The following GTF3C1 variants were observed in gnomAD, a reference collection of about 807,000 sequenced individuals.
GTF3C1 encodes general transcription factor 3C polypeptide 1.
Under a neutral mutation model 226.7 loss-of-function variants are expected in GTF3C1, and 57 were observed. That is an observed-to-expected ratio of 0.25 (90% CI 0.20 to 0.31). The LOEUF (loss-of-function observed/expected upper bound fraction) is 0.31, where lower values mean the gene tolerates loss of function less well. Ranked by LOEUF, GTF3C1 falls within the 10% of genes least tolerant of loss-of-function variation. The probability of loss-of-function intolerance (pLI) is 1.00; values close to 1 mark genes in which losing one functional copy is unlikely to be tolerated. For missense variants in GTF3C1, 2,217 were observed against 2,776.1 expected, an observed-to-expected ratio of 0.80 and a Z score of 4.53; for synonymous variants, 1,090 against 1,084.8, an observed-to-expected ratio of 1.00 and a Z score of -0.09.
chr16:27,505,870 G>C (rs751005804), intron 10 of GTF3C1, 29 bp downstream of exon 10: 2 of 1,254,452 alleles, frequency 1.6e-6, no homozygotes, highest in South Asian at 2.4e-5. Context: ...CCTTCTTGGA[G>C]ACAGCTCCCT....
In GTF3C1 at chr16:27,503,876, T is replaced by C. The variant is rs114773098; in HGVS notation, c.1771-881A>G. On this transcript the variant is annotated intron_variant, in intron 10 of 36. Coordinates refer to ENST00000356183, the MANE Select transcript of GTF3C1 (RefSeq NM_001520.4). ...GTAGCACTTTCAGGAAATGAGAAAG[T>C]GCCCAAGGAGGTCACTCGGTGATGG... Among the ~76,000 whole-genome samples, 1,110 of 152,184 alleles carry C rather than the reference T, an allele frequency of 7.3e-3. 19 individuals are homozygous for C. The highest frequency in any genetic ancestry group is 0.025 in the African/African-American group (1,050 of 41,502).
chr16:27,473,810 G>A (rs2087912292), intron 29 of GTF3C1, among the ~76,000 whole-genome samples: 1 of 152,182 alleles, frequency 6.6e-6, no homozygotes. Context: ...CCTTATGGGG[G>A]AACACTCTCC....
chr16:27,481,222 C>A, intron 26 of GTF3C1, 31 bp from the exon 27 acceptor site: 1 of 1,577,370 alleles, frequency 6.3e-7, no homozygotes, highest in South Asian at 1.1e-5. Flanking sequence ...GAGGTTAAGC[C>A]CTTACTCTTC....
chr16:27,529,108 C>T (rs758755276), intron 5 of GTF3C1, among the ~76,000 whole-genome samples: 1 of 151,938 alleles, frequency 6.6e-6, no homozygotes, highest in Non-Finnish European at 1.5e-5. Context: ...CACCCCTGTC[C>T]CCCATGGGCA....
Position 27,488,223 on chromosome 16 carries a change from T to C in GTF3C1, c.3700+4A>G. 3.1e-6 allele frequency: 5 copies of C among 1,612,794 alleles called. No individual in the cohort carries two copies. The highest frequency in any genetic ancestry group is 1.7e-4 in the Middle Eastern group (1 of 6,058). ...CCAGTAAATGAAAATGATCACCACA[T>C]AACCTTTCTTCTTTCTCTTGATCTT... On this transcript the variant is annotated splice_donor_region_variant and intron_variant, in intron 23 of 36. Transcript: ENST00000356183.
In GTF3C1 at chr16:27,492,693, A is replaced by C; in HGVS notation, c.2897T>G (p.Val966Gly). ...GTAGCACAGCCTCTGAAGGTTCTCC[A>C]CCACCGAAAAAATGTAACGCCTAGA... ...LYKRRYIFSV[V>G]ENLQRLCYMG... The change falls in exon 18 of 37, where the codon GTG (valine) becomes GGG (glycine). Residue 966 changes from valine (V) to glycine (G), a missense_variant. Around this residue, in one of 12 missense-constraint regions of GTF3C1, gnomAD observed 353 missense variants for 411.7 expected, o/e 0.86. Coordinates refer to ENST00000356183, the MANE Select transcript of GTF3C1 (RefSeq NM_001520.4). This position sits in a 1 kb window ranked among gnomAD's most constrained non-coding sequence, Gnocchi z 5.0. 1 of 1,597,828 alleles carries C rather than the reference A, an allele frequency of 6.3e-7. No homozygotes were observed.
chr16:27,482,464 T>C, intron 26 of GTF3C1: 1 of 456,124 alleles, frequency 2.2e-6, no homozygotes, highest in South Asian at 1.5e-5. Flanking sequence ...GGGAGCTGAC[T>C]ACACTGTCCT....
intron 23 of GTF3C1, 124 bp downstream of exon 23, chr16:27,488,103 A>G: frequency 1.3e-6 from 1 of 773,196 alleles, no homozygotes; most frequent in East Asian, 2.5e-5. Flanking sequence ...AGCGCCACAC[A>G]TCGAGGGAAG....
chr16:27,530,297 C>T (rs1424241539), intron 5 of GTF3C1, among the ~76,000 whole-genome samples: 6 of 152,112 alleles, frequency 3.9e-5, no homozygotes, highest in Admixed American at 1.3e-4. Flanking sequence ...TGGCATTTAT[C>T]GTTAATCTAG....
chr16:27,497,700 G>A lies in GTF3C1; in HGVS notation c.2287C>T (p.Arg763Trp), dbSNP rs374396728. The change falls in exon 14 of 37, where the codon CGG becomes TGG. Residue 763 changes from arginine (R) to tryptophan (W), a missense_variant. Transcript: ENST00000356183. Reference sequence around the variant, plus strand: ...ATTTTATTATCACTTTTTTTCATCCGTCCACTTTCTGATCTAGAGGAAGCA... The same window carrying A: ...ATTTTATTATCACTTTTTTTCATCCATCCACTTTCTGATCTAGAGGAAGCA... Reference protein sequence around the residue: ...LSASSRSESGRMKKSDNKMGI... With the variant: ...LSASSRSESGWMKKSDNKMGI... The A allele has an allele frequency of 2.4e-5, 38 of 1,613,484 alleles. No homozygotes were observed. The highest frequency in any genetic ancestry group is 3.3e-5 in the Admixed American group (2 of 59,974).
At chr16:27,524,168 G>A (rs1463482803) in intron 6 of GTF3C1, among the ~76,000 whole-genome samples, 1 of 152,224 alleles carries the variant, frequency 6.6e-6, no homozygotes, top group African/African-American at 2.4e-5. Flanking sequence ...TGTCTGTGGT[G>A]AAAGGGGAAG....
chr16:27,504,127 T>C (rs1844358171), intron 10 of GTF3C1, among the ~76,000 whole-genome samples: 2 of 152,216 alleles, frequency 1.3e-5, no homozygotes. Flanking sequence ...AAAGGCAACA[T>C]GCTCTGCCAA....
intron 20 of GTF3C1, 98 bp downstream of exon 20, chr16:27,489,504 T>G (rs2088199312): frequency 1.1e-6 from 1 of 936,464 alleles, no homozygotes; most frequent in Non-Finnish European, 1.6e-6. Context: ...ACAGGCCGTC[T>G]GGCCTGACAT....
chr16:27,548,184 T>G (rs544427188), intron 1 of GTF3C1, among the ~76,000 whole-genome samples: 3 of 152,362 alleles, frequency 2.0e-5, no homozygotes, highest in African/African-American at 4.8e-5. Flanking sequence ...TTCAGCCACT[T>G]ACTTCACATT....
intron 6 of GTF3C1, among the ~76,000 whole-genome samples, chr16:27,524,979 C>A (rs1202457013): frequency 1.3e-5 from 2 of 152,090 alleles, no homozygotes; most frequent in Admixed American, 6.6e-5. Context: ...CATGGTAAAA[C>A]CCCATCTCTA....
Position 27,538,265 on chromosome 16 carries a change from C to T in GTF3C1, c.523G>A (p.Asp175Asn), listed in dbSNP as rs374524756. Residue 175 changes from aspartate to asparagine, a missense_variant, in exon 3 of 37, where the codon GAC becomes AAC. Transcript: ENST00000356183. ...QEGDPDLKLP[D>N]FSYCILERLG... ...CGTTCCAGGATGCAGTAGGAGAAGT[C>T]GGGCAGCTTCAGGTCGGGATCCCCC... 9 of 1,610,938 alleles carry T rather than the reference C, an allele frequency of 5.6e-6. No individual in the cohort carries two copies. The highest frequency in any genetic ancestry group is 1.1e-5 in the South Asian group (1 of 90,984).
At position 27,484,391 on chromosome 16, in the gene GTF3C1, C is replaced by T. The variant is rs760237589; in HGVS notation, c.3859-38G>A. ...CAGAGCCAAGACAAAAAGTCAGTATCCTCAGAGACGACATCATGGGGAATT... is the reference window on the plus strand; with the variant it reads ...CAGAGCCAAGACAAAAAGTCAGTATTCTCAGAGACGACATCATGGGGAATT... On this transcript the variant is annotated intron_variant, in intron 24 of 36. Coordinates refer to ENST00000356183, the MANE Select transcript of GTF3C1 (RefSeq NM_001520.4). 2.2e-5 allele frequency: 33 copies of T among 1,500,634 alleles called. No homozygotes were observed. The East Asian group carries it at 6.4e-4, about 29-fold the overall frequency. 93.0% of individuals were successfully genotyped at this position (1,500,634 alleles called of 1,614,324 possible).
intron 7 of GTF3C1, among the ~76,000 whole-genome samples, chr16:27,510,734 C>T (rs933373329): frequency 3.3e-5 from 5 of 152,162 alleles, no homozygotes; most frequent in African/African-American, 1.2e-4. Flanking sequence ...CCTGCAGGAA[C>T]CTGAGGCCAC....
intron 15 of GTF3C1, 59 bp from the exon 16 acceptor site, chr16:27,494,967 C>T: frequency 7.5e-6 from 11 of 1,464,896 alleles, no homozygotes; most frequent in Non-Finnish European, 1.0e-5. Flanking sequence ...CATGGTGACA[C>T]ATGGTAACGT....
Sources: allele counts gnomAD v4.1 joint callset (sites outside exome capture counted in the v4.1 genomes callset), GRCh38; gene constraint gnomAD v4.1.1; regional missense constraint gnomAD v4.1.1; non-coding constraint Gnocchi (gnomAD v3.1); transcripts MANE v1.5; gene names NCBI Gene and HGNC (gene_info 2026-07-23, HGNC 2026-07-21).